IFT43: variants seen among roughly 807,000 people sequenced by gnomAD.
IFT43 encodes the protein intraflagellar transport protein 43 homolog.
In IFT43, 33 loss-of-function variants were observed where a neutral mutation model predicts 32.3. That is an observed-to-expected ratio of 1.02 (90% CI 0.77 to 1.37). IFT43 has a LOEUF of 1.37. IFT43 is among the 40% of genes most tolerant of loss of function. IFT43 has a pLI of 0.00. For synonymous variants in IFT43, 93 were observed against 98.2 expected (o/e 0.95, Z 0.31); for missense variants, 274 against 265.9 (o/e 1.03, Z -0.21).
chr14:76,079,277 A>C (rs1227497308), intron 5 of IFT43, among the ~76,000 whole-genome samples: 1 of 152,256 alleles, frequency 6.6e-6, no homozygotes, highest in African/African-American at 2.4e-5. Context: ...ATCACTGGGC[A>C]GGAGAAAATG....
chr14:76,071,277 T>C (rs1291470752), intron 5 of IFT43, among the ~76,000 whole-genome samples: 1 of 152,242 alleles, frequency 6.6e-6, no homozygotes, highest in Non-Finnish European at 1.5e-5. Context: ...TAGGAAATAA[T>C]ATTGGTAATT....
rs1204999440 is a variant in IFT43, at chr14:76,022,409, C to T, written c.215+15C>T. The T allele has an allele frequency of 6.6e-7, 1 of 1,513,916 alleles. No individual in the cohort carries two copies. The highest frequency in any genetic ancestry group is 1.7e-5 in the Admixed American group (1 of 59,860). The allele number at this position is 1,513,916 out of a possible 1,614,324, so 93.8% of individuals were successfully genotyped here. ...AAGGCTTCGAAGTGAGTACCAGCAG[C>T]TCATAAGAGTATGGGTGGGGGTGCA... On this transcript the variant is annotated intron_variant, in intron 3 of 8. Coordinates refer to ENST00000314067, the MANE Select transcript of IFT43 (RefSeq NM_001102564.3).
intron 2 of IFT43, among the ~76,000 whole-genome samples, chr14:75,999,271 ATGTATATATATTTTTT>A (rs1169022688): frequency 7.7e-5 from 2 of 25,812 alleles, no homozygotes; most frequent in African/African-American, 4.1e-4. Flanking sequence ...ATATATATAT[ATGTATATATATTTTTT>A]TTTTTTTTTT....
intron 2 of IFT43, among the ~76,000 whole-genome samples, chr14:76,016,740 G>A (rs551584969): frequency 3.5e-4 from 53 of 152,244 alleles, no homozygotes; most frequent in Non-Finnish European, 6.3e-4. Flanking sequence ...TTAGTGTTCT[G>A]TAATTTTCGT....
intron 2 of IFT43, among the ~76,000 whole-genome samples, chr14:75,989,381 A>G (rs1008291633): frequency 4.6e-5 from 7 of 152,056 alleles, no homozygotes; most frequent in African/African-American, 1.7e-4. Context: ...GTCTTCCGGC[A>G]GGAAGCAGAT....
chr14:76,048,520 C>G (rs536375605), intron 3 of IFT43, among the ~76,000 whole-genome samples: 2 of 152,326 alleles, frequency 1.3e-5, no homozygotes, highest in South Asian at 4.1e-4. Flanking sequence ...ACACCTACTT[C>G]TTTCCTTTTC....
chr14:76,025,516 CAAAA>C (rs2036374447), intron 3 of IFT43, among the ~76,000 whole-genome samples: 1 of 151,946 alleles, frequency 6.6e-6, no homozygotes. Flanking sequence ...AAAACAAAAA[CAAAA>C]AAACCTGGAG....
chr14:76,082,519 C>A, intron 6 of IFT43, 98 bp from the exon 7 acceptor site: 1 of 1,429,334 alleles, frequency 7.0e-7, no homozygotes. Context: ...TTCTGGTCAT[C>A]CCCTGCTGTA....
chr14:76,004,178 C>A (rs573165095), intron 2 of IFT43, among the ~76,000 whole-genome samples: 2 of 152,174 alleles, frequency 1.3e-5, no homozygotes, highest in Admixed American at 1.3e-4. Context: ...CTGGGGGTGT[C>A]ATTTCTCTTT....
chr14:76,031,626 C>A (rs899661534), intron 3 of IFT43, among the ~76,000 whole-genome samples: 12 of 152,128 alleles, frequency 7.9e-5, no homozygotes, highest in African/African-American at 2.9e-4. Context: ...GAAAATAAGA[C>A]AAATCCTGTC....
chr14:76,000,777 T>G (rs1164135825), intron 2 of IFT43, among the ~76,000 whole-genome samples: 1 of 151,670 alleles, frequency 6.6e-6, no homozygotes, highest in Non-Finnish European at 1.5e-5. Flanking sequence ...AGAAGGAGAG[T>G]CTGGAGTTGA....
chr14:76,042,084 A>T (rs1005403592), intron 3 of IFT43, among the ~76,000 whole-genome samples: 18 of 151,392 alleles, frequency 1.2e-4, no homozygotes, highest in Non-Finnish European at 2.2e-4. Context: ...TGTCTTGTCC[A>T]GTCCTTGTGT....
chr14:76,080,728 T>C (rs1251780286), intron 5 of IFT43, among the ~76,000 whole-genome samples: 1 of 152,196 alleles, frequency 6.6e-6, no homozygotes, highest in African/African-American at 2.4e-5. Context: ...CTCAGCAGCC[T>C]GCACAATGGA....
At chr14:75,999,258 TA>T (rs1566699442) in intron 2 of IFT43, among the ~76,000 whole-genome samples, 45 of 13,846 alleles carry the variant, frequency 3.3e-3, no homozygotes, top group African/African-American at 0.011. Context: ...TATATATATA[TA>T]TATATATATA....
chr14:75,999,255 AT>A (rs2035821393), intron 2 of IFT43, among the ~76,000 whole-genome samples: 10 of 10,512 alleles, frequency 9.5e-4, no homozygotes, highest in African/African-American at 4.6e-3. Flanking sequence ...ATATATATAT[AT>A]ATATATATAT....
intron 2 of IFT43, among the ~76,000 whole-genome samples, chr14:75,992,045 C>T (rs762718850): frequency 2.6e-5 from 4 of 152,176 alleles, no homozygotes; most frequent in Non-Finnish European, 5.9e-5. Flanking sequence ...GATATCCATG[C>T]AAACGTAAAT....
intron 2 of IFT43, among the ~76,000 whole-genome samples, chr14:76,008,271 C>T (rs2036015609): frequency 6.6e-6 from 1 of 152,178 alleles, no homozygotes; most frequent in South Asian, 2.1e-4. Flanking sequence ...AGGCCTCCCC[C>T]AAGTAAAAGG....
chr14:75,994,022 G>A (rs2035693521), intron 2 of IFT43, among the ~76,000 whole-genome samples: 1 of 152,112 alleles, frequency 6.6e-6, no homozygotes, highest in South Asian at 2.1e-4. Context: ...TTCTTGGTAA[G>A]GGAGGTGAGT....
intron 3 of IFT43, among the ~76,000 whole-genome samples, chr14:76,043,320 A>G (rs558962469): frequency 5.3e-5 from 8 of 152,324 alleles, no homozygotes; most frequent in African/African-American, 1.7e-4. Context: ...TGAGCACACC[A>G]GGCTTTGCAG....
Sources: gnomAD v4.1 joint callset for allele counts (sites outside exome capture counted in the v4.1 genomes callset) on GRCh38, gnomAD v4.1.1 for gene constraint, MANE v1.5 for transcripts, NCBI Gene and HGNC (gene_info 2026-07-23, HGNC 2026-07-21) for gene names.